NEK10: variants seen among roughly 807,000 people sequenced by gnomAD.
NEK10 encodes NIMA related kinase 10.
In NEK10, 122 loss-of-function variants were observed where a neutral mutation model predicts 159.8. The ratio of observed to expected loss-of-function variants is 0.76; its 90% CI spans 0.66 to 0.89. The LOEUF is 0.89. Among genes scored for constraint, NEK10 ranks in the 40% least tolerant of loss-of-function variants. The pLI is 0.00. For synonymous variants in NEK10, 466 were observed against 457.1 expected (o/e 1.02, Z -0.25); for missense variants, 1,342 against 1,323.1 (o/e 1.01, Z -0.22).
intron 23 of NEK10, among the ~76,000 whole-genome samples, chr3:27,228,398 C>A (rs2149194346): frequency 6.6e-6 from 1 of 152,126 alleles, no homozygotes; most frequent in Admixed American, 6.5e-5. Context: ...TAGAGAAACT[C>A]TCTGGCCCTA....
intron 22 of NEK10, chr3:27,278,832 A>C: frequency 2.0e-6 from 2 of 985,228 alleles, no homozygotes; most frequent in Non-Finnish European, 2.4e-6. Context: ...TCATTTTGTA[A>C]TGTGATGGCA....
At chr3:27,305,373 C>T (rs2044155651) in intron 11 of NEK10, among the ~76,000 whole-genome samples, 1 of 152,028 alleles carries the variant, frequency 6.6e-6, no homozygotes, top group East Asian at 1.9e-4. Context: ...TACTGACCAG[C>T]ATTGGCAGGG....
At chr3:27,295,744 G>C (rs2043309715) in intron 14 of NEK10, 54 bp from the exon 15 acceptor site, 1 of 1,471,664 alleles carries the variant, frequency 6.8e-7, no homozygotes, top group Non-Finnish European at 9.0e-7. Flanking sequence ...TGATACACAA[G>C]CAAAAAGAGG....
At chr3:27,350,356 CTCTT>C (rs2047882205) in intron 3 of NEK10, among the ~76,000 whole-genome samples, 1 of 152,078 alleles carries the variant, frequency 6.6e-6, no homozygotes, top group Admixed American at 6.5e-5. Flanking sequence ...CTCTTAATGA[CTCTT>C]TCTGGAACAA....
chr3:27,151,932 G>A (rs1426936754), intron 30 of NEK10, among the ~76,000 whole-genome samples: 9 of 152,002 alleles, frequency 5.9e-5, no homozygotes, highest in African/African-American at 9.7e-5. Context: ...TAACCCACTC[G>A]AACAAAGACA....
At chr3:27,181,929 A>T (rs1446496709) in intron 26 of NEK10, among the ~76,000 whole-genome samples, 1 of 152,152 alleles carries the variant, frequency 6.6e-6, no homozygotes, top group African/African-American at 2.4e-5. Flanking sequence ...TGTAGGTATG[A>T]TTTTTTGAAG....
chr3:27,330,372 A>G (rs920040901), intron 5 of NEK10, among the ~76,000 whole-genome samples: 5 of 152,210 alleles, frequency 3.3e-5, no homozygotes, highest in Admixed American at 2.0e-4. Context: ...AGAGAAAAAA[A>G]GACAAATTTC....
intron 3 of NEK10, among the ~76,000 whole-genome samples, chr3:27,350,782 C>T (rs983672529): frequency 2.0e-5 from 3 of 152,024 alleles, no homozygotes; most frequent in Non-Finnish European, 2.9e-5. Flanking sequence ...AAAGGGCACA[C>T]GAGAGATCCA....
intron 31 of NEK10, among the ~76,000 whole-genome samples, chr3:27,140,267 T>C (rs1177159368): frequency 6.6e-6 from 1 of 152,188 alleles, no homozygotes; most frequent in African/African-American, 2.4e-5. Flanking sequence ...TCACACAGTT[T>C]CCAGATGCAA....
chr3:27,215,007 C>A, intron 23 of NEK10: 1 of 663,098 alleles, frequency 1.5e-6, no homozygotes, highest in Non-Finnish European at 2.8e-6. Flanking sequence ...TCCGGCCAAG[C>A]TCCAACTCCG....
intron 6 of NEK10, among the ~76,000 whole-genome samples, chr3:27,321,046 TAAAGG>T (rs2045587355): frequency 6.6e-6 from 1 of 152,052 alleles, no homozygotes; most frequent in African/African-American, 2.4e-5. Context: ...ACTTGGCACT[TAAAGG>T]AAACATATTC....
intron 32 of NEK10, among the ~76,000 whole-genome samples, chr3:27,120,154 C>T (rs981696835): frequency 6.6e-6 from 1 of 151,952 alleles, no homozygotes; most frequent in African/African-American, 2.4e-5. Flanking sequence ...TATAAAAATA[C>T]TGGCATGAAG....
chr3:27,184,766 CAG>C (rs1489456235), intron 26 of NEK10, among the ~76,000 whole-genome samples: 1 of 152,070 alleles, frequency 6.6e-6, no homozygotes, highest in Non-Finnish European at 1.5e-5. Context: ...AACAATTAAC[CAG>C]ACAATAAAAG....
At chr3:27,201,323 T>C (rs1950024035) in intron 25 of NEK10, among the ~76,000 whole-genome samples, 187 bp downstream of exon 25, 1 of 152,198 alleles carries the variant, frequency 6.6e-6, no homozygotes, top group Non-Finnish European at 1.5e-5. Flanking sequence ...AACGCTCTAC[T>C]TCCTCTTGGA....
intron 23 of NEK10, among the ~76,000 whole-genome samples, chr3:27,224,566 A>G (rs1315037402): frequency 6.6e-6 from 1 of 152,238 alleles, no homozygotes; most frequent in African/African-American, 2.4e-5. Flanking sequence ...GTCCAGAGAC[A>G]TCTCCCATGA....
intron 30 of NEK10, among the ~76,000 whole-genome samples, chr3:27,144,390 G>T (rs140784553): frequency 6.6e-6 from 1 of 152,128 alleles, no homozygotes; most frequent in African/African-American, 2.4e-5. Flanking sequence ...AATATACACC[G>T]GCATGCCTCA....
At position 27,116,070 on chromosome 3, in the gene NEK10, C is replaced by G. The variant is rs747664031; in HGVS notation, c.3243+5G>C. On this transcript the variant is annotated splice_donor_5th_base_variant and intron_variant, in intron 34 of 35. Transcript: ENST00000691995. ...AATCATTCAGAGACACTGCAAAAAC[C>G]TCACCTGCATCTGTTCATATGTTAT... 1.9e-6 allele frequency: 3 copies of G among 1,613,464 alleles called. No homozygotes were observed. The South Asian group carries it at 3.3e-5, about 18-fold the overall frequency.
chr3:27,299,660 G>T (rs2043644558), intron 13 of NEK10, among the ~76,000 whole-genome samples: 1 of 152,200 alleles, frequency 6.6e-6, no homozygotes, highest in South Asian at 2.1e-4. Context: ...CAGCCGAGAG[G>T]GAAGCTGTAC....
intron 1 of NEK10, among the ~76,000 whole-genome samples, chr3:27,365,622 T>TTG (rs2049022570): frequency 2.2e-5 from 3 of 139,196 alleles, no homozygotes; most frequent in Admixed American, 7.2e-5. Flanking sequence ...TTTTTTTTTT[T>TTG]TTTTTTTTGA....
Sources: allele counts gnomAD v4.1 joint callset (sites outside exome capture counted in the v4.1 genomes callset), GRCh38; gene constraint gnomAD v4.1.1; transcripts MANE v1.5; gene names NCBI Gene and HGNC (gene_info 2026-07-23, HGNC 2026-07-21).